Variants in AFF1 observed in about 807,000 individuals in gnomAD.
The protein encoded by AFF1 is AF4/FMR2 family member 1.
A neutral mutation model predicts 121.7 loss-of-function variants in AFF1; 48 were observed. The ratio of observed to expected loss-of-function variants is 0.39; its 90% CI spans 0.31 to 0.50. The LOEUF is 0.50. Ranked by LOEUF, AFF1 falls within the 20% of genes least tolerant of loss-of-function variation. AFF1 has a pLI of 0.76. For synonymous variants in AFF1, 613 were observed against 563.0 expected (o/e 1.09, Z -1.26); for missense variants, 1,523 against 1,511.7 (o/e 1.01, Z -0.12).
intron 1 of AFF1, among the ~76,000 whole-genome samples, chr4:86,941,920 C>G (rs147937514): frequency 6.6e-6 from 1 of 151,628 alleles, no homozygotes; most frequent in African/African-American, 2.4e-5. Context: ...GAGAAATTGT[C>G]TCCGAACACC....
At chr4:87,022,661 T>TATA (rs11371572) in intron 2 of AFF1, among the ~76,000 whole-genome samples, 6 of 68,698 alleles carry the variant, frequency 8.7e-5, no homozygotes, top group Admixed American at 2.1e-4. Context: ...TGTATATATA[T>TATA]GTGTGTGTAT....
intron 7 of AFF1, among the ~76,000 whole-genome samples, chr4:87,094,487 A>AGGGACAGGTGGGATGGAGAGCACCT (rs1724628657): frequency 6.6e-6 from 1 of 152,184 alleles, no homozygotes; most frequent in East Asian, 1.9e-4. Flanking sequence ...TGAATAATGA[A>AGGGACAGGTGGGATGGAGAGCACCT]GGGACAGGTG....
chr4:86,991,505 G>A (rs928975136), intron 2 of AFF1, among the ~76,000 whole-genome samples: 8 of 151,448 alleles, frequency 5.3e-5, no homozygotes, highest in Non-Finnish European at 1.2e-4. Flanking sequence ...CTATATATTT[G>A]TTTACAAAAG....
chr4:87,022,367 A>G (rs1328771614), intron 2 of AFF1, among the ~76,000 whole-genome samples: 3 of 151,688 alleles, frequency 2.0e-5, no homozygotes, highest in East Asian at 3.9e-4. Flanking sequence ...GGTTTAGTAG[A>G]TGTTCCAGTC....
intron 2 of AFF1, among the ~76,000 whole-genome samples, chr4:86,983,484 A>G (rs1227811783): frequency 6.6e-6 from 1 of 152,108 alleles, no homozygotes; most frequent in Non-Finnish European, 1.5e-5. Context: ...TGCCGAGATC[A>G]CGCCATTGCA....
At chr4:86,937,359 A>AT (rs901625352) in intron 1 of AFF1, among the ~76,000 whole-genome samples, 4 of 152,306 alleles carry the variant, frequency 2.6e-5, no homozygotes, top group African/African-American at 7.2e-5. Context: ...ACAGGCATGC[A>AT]TTTTTTGCCA....
chr4:87,088,871 G>C (rs747047597), intron 5 of AFF1, among the ~76,000 whole-genome samples: 7 of 152,008 alleles, frequency 4.6e-5, no homozygotes, highest in Admixed American at 4.6e-4. Context: ...TCAGCCTCCC[G>C]AGTAGCTGGG....
intron 2 of AFF1, among the ~76,000 whole-genome samples, chr4:87,021,220 ACCT>A (rs1727868636): frequency 6.6e-6 from 1 of 151,994 alleles, no homozygotes; most frequent in African/African-American, 2.4e-5. Context: ...AATTTGTAAA[ACCT>A]CATCCTGTTT....
chr4:86,980,700 GAAT>G (rs1395752435), intron 2 of AFF1, among the ~76,000 whole-genome samples: 1 of 152,104 alleles, frequency 6.6e-6, no homozygotes, highest in Non-Finnish European at 1.5e-5. Flanking sequence ...TATATTAAAA[GAAT>G]AACGAATAGA....
intron 2 of AFF1, among the ~76,000 whole-genome samples, chr4:87,042,861 A>G (rs570229216): frequency 2.0e-5 from 3 of 152,318 alleles, no homozygotes; most frequent in East Asian, 1.9e-4. Flanking sequence ...TTCTGTGGCA[A>G]TTTTCAGTAT....
At chr4:86,938,973 G>A (rs918079598) in intron 1 of AFF1, among the ~76,000 whole-genome samples, 2 of 152,212 alleles carry the variant, frequency 1.3e-5, no homozygotes, top group Admixed American at 1.3e-4. Flanking sequence ...TTAAAAGACT[G>A]AGATTATTGT....
chr4:86,949,987 C>G, intron 2 of AFF1: 2 of 1,614,118 alleles, frequency 1.2e-6, no homozygotes, highest in Admixed American at 1.7e-5. Context: ...GCTGGCAGAT[C>G]ACAAAGATGG....
intron 2 of AFF1, chr4:86,949,764 G>A (rs1301347057): frequency 5.6e-6 from 9 of 1,612,098 alleles, no homozygotes; most frequent in Middle Eastern, 1.7e-4. Context: ...ATGGTCATCT[G>A]GGTGAAGCCC....
chr4:87,023,218 A>C (rs1172567612), intron 2 of AFF1, among the ~76,000 whole-genome samples: 1 of 152,158 alleles, frequency 6.6e-6, no homozygotes, highest in Non-Finnish European at 1.5e-5. Context: ...ATCATTTTAT[A>C]ACTGTGCTTT....
intron 2 of AFF1, among the ~76,000 whole-genome samples, chr4:87,024,585 C>G (rs1228228395): frequency 6.7e-6 from 1 of 149,644 alleles, no homozygotes; most frequent in African/African-American, 2.4e-5. Context: ...ACCCTTCATC[C>G]TCCTTTAGGA....
chr4:87,106,416 AT>A (rs1047637906), intron 10 of AFF1, among the ~76,000 whole-genome samples: 8 of 152,166 alleles, frequency 5.3e-5, no homozygotes, highest in African/African-American at 1.9e-4. Context: ...TTAAAATACA[AT>A]TTATCATCAG....
intron 1 of AFF1, among the ~76,000 whole-genome samples, chr4:86,939,280 G>A (rs1396322477): frequency 1.4e-5 from 2 of 146,902 alleles, no homozygotes; most frequent in Admixed American, 1.4e-4. Flanking sequence ...AAGAAGTTAA[G>A]TGACTTGACT....
intron 2 of AFF1, among the ~76,000 whole-genome samples, chr4:86,976,631 G>A (rs1723322382): frequency 6.6e-6 from 1 of 152,134 alleles, no homozygotes; most frequent in African/African-American, 2.4e-5. Context: ...TGGAGGGGGA[G>A]GATTGAAAAA....
rs1365882367 is a variant in AFF1, at chr4:87,114,753, C to T, written c.1920C>T (p.Gly640=). The T allele has an allele frequency of 3.1e-6, 5 of 1,613,418 alleles. No homozygotes were observed. The highest frequency in any genetic ancestry group is 4.2e-6 in the Non-Finnish European group (5 of 1,179,826). ...GGGAGCCAGGGCTTCTTCCCTATGG[C>T]TCCCGAGACCAGACTTCCAAAGACA... The part of the protein sequence containing the change: ...GEREPGLLPY[G]SRDQTSKDKP... Residue 640 remains glycine, a synonymous_variant, in exon 12 of 21, where the codon GGC becomes GGT. Coordinates refer to ENST00000395146, the MANE Select transcript of AFF1 (RefSeq NM_001166693.3).
Sources: allele counts gnomAD v4.1 joint callset (sites outside exome capture counted in the v4.1 genomes callset), GRCh38; gene constraint gnomAD v4.1.1; transcripts MANE v1.5; gene names NCBI Gene and HGNC (gene_info 2026-07-23, HGNC 2026-07-21).